Variants in TADA2A observed in about 807,000 individuals in gnomAD.
TADA2A encodes transcriptional adaptor 2A.
In TADA2A, 38 loss-of-function variants were observed where a neutral mutation model predicts 67.4. The observed-to-expected ratio is 0.56, with a 90% CI of 0.44 to 0.74. TADA2A has a LOEUF of 0.74. TADA2A is among the 30% of genes least tolerant of loss of function. TADA2A has a pLI of 0.00. For missense variants in TADA2A, 454 were observed against 547.0 expected, an observed-to-expected ratio of 0.83 and a Z score of 1.70; for synonymous variants, 192 against 181.6, an observed-to-expected ratio of 1.06 and a Z score of -0.46.
chr17:37,451,327 C>CTTT (rs1293045987), intron 8 of TADA2A, among the ~76,000 whole-genome samples: 1 of 135,188 alleles, frequency 7.4e-6, no homozygotes, highest in South Asian at 2.4e-4. Context: ...TGTTTTTTGG[C>CTTT]TTTTTTTTTT....
intron 10 of TADA2A, among the ~76,000 whole-genome samples, chr17:37,462,456 A>G (rs983914124): frequency 1.3e-5 from 2 of 151,716 alleles, no homozygotes; most frequent in South Asian, 2.1e-4. Flanking sequence ...GTGAAACCCC[A>G]TCTCTACTAA....
rs191011910 is a variant in TADA2A, at chr17:37,454,141, C to G, written c.605-4383C>G. The G allele has an allele frequency of 5.7e-3, 864 of 152,328 alleles. 3 individuals are homozygous for G. Among genetic ancestry groups the G allele is most frequent in the Non-Finnish European group, 8.0e-3 (546 of 68,072 alleles). 9.4% of individuals were successfully genotyped at this position (152,328 alleles called of 1,614,324 possible). On this transcript the variant is annotated intron_variant, in intron 8 of 15. Coordinates refer to ENST00000615182, the MANE Select transcript of TADA2A (RefSeq NM_001166105.3). ...AGGTTGGTATGTTATTAGAAATTAC[C>G]TAACATTGAGCCTCTGGAGCTTCTG... is the stretch of plus-strand genomic sequence containing the variant.
chr17:37,470,117 T>C (rs1272256958), intron 12 of TADA2A, among the ~76,000 whole-genome samples: 1 of 152,212 alleles, frequency 6.6e-6, no homozygotes, highest in East Asian at 1.9e-4. Flanking sequence ...AGTGGAAATA[T>C]GAGCAATTCT....
intron 12 of TADA2A, among the ~76,000 whole-genome samples, chr17:37,468,902 CTT>C (rs377616227): frequency 6.9e-6 from 1 of 144,924 alleles, no homozygotes. Flanking sequence ...TAGTTGGCTT[CTT>C]TTTTTTTTTT....
At chr17:37,439,938 A>ATTT (rs71135724) in intron 5 of TADA2A, among the ~76,000 whole-genome samples, 1 of 105,726 alleles carries the variant, frequency 9.5e-6, no homozygotes, top group African/African-American at 4.2e-5. Flanking sequence ...TTATTTATTT[A>ATTT]TTTATTATTT....
intron 4 of TADA2A, among the ~76,000 whole-genome samples, chr17:37,436,042 C>G (rs1198804393): frequency 6.6e-6 from 1 of 152,072 alleles, no homozygotes; most frequent in African/African-American, 2.4e-5. Context: ...CATAACCTCA[C>G]AGATCTTACA....
In TADA2A at chr17:37,477,087, G is replaced by A. The variant is rs896109780; in HGVS notation, c.*105G>A. 4.2e-6 allele frequency: 5 copies of A among 1,187,762 alleles called. No individual in the cohort carries two copies. In the African/African-American group the frequency reaches 4.6e-5, roughly 11 times the overall value. 73.6% of individuals were successfully genotyped at this position (1,187,762 alleles called of 1,614,324 possible). A position where few individuals can be genotyped will look rare whatever the true frequency, so the allele number is the denominator to read the frequency against. On this transcript the variant is annotated 3_prime_UTR_variant, in exon 16 of 16. Coordinates refer to ENST00000615182, the MANE Select transcript of TADA2A (RefSeq NM_001166105.3). ...AGTTGTTTTTCAGCTGAATTCTCAT[G>A]GTGAAAACAGGGGAAAGGACAAAGG...
chr17:37,470,118 G>C (rs1370076070), intron 12 of TADA2A, among the ~76,000 whole-genome samples: 1 of 152,116 alleles, frequency 6.6e-6, no homozygotes, highest in East Asian at 1.9e-4. Context: ...GTGGAAATAT[G>C]AGCAATTCTT....
chr17:37,471,655 G>T (rs58442376), intron 14 of TADA2A, among the ~76,000 whole-genome samples: 1 of 151,910 alleles, frequency 6.6e-6, no homozygotes, highest in Non-Finnish European at 1.5e-5. Flanking sequence ...TTACAGGCAT[G>T]CACCACCACG....
intron 3 of TADA2A, among the ~76,000 whole-genome samples, chr17:37,425,238 A>C (rs1353208465): frequency 6.6e-6 from 1 of 152,296 alleles, no homozygotes; most frequent in East Asian, 1.9e-4. Flanking sequence ...CATAACTGGA[A>C]GATTATTCCT....
chr17:37,432,082 A>G (rs12452080), intron 4 of TADA2A, among the ~76,000 whole-genome samples: 33,666 of 151,692 alleles, frequency 0.22, 3,975 homozygotes, highest in Middle Eastern at 0.35. Flanking sequence ...TTGGTTTTGC[A>G]TATTCTAGAA....
rs540345089 is a variant in TADA2A at position 37,472,168 on chromosome 17, C to T, written c.1072+1031C>T. Among the ~76,000 whole-genome samples the T allele has an allele frequency of 6.6e-5, 10 of 151,980 alleles. No individual in the cohort carries two copies. In the South Asian group the frequency reaches 1.7e-3, roughly 25 times the overall value. ...GCAACCTCTGCCTTCCGGATTCAAG[C>T]GATTCTCCTGCCTCAGCCTCCCAAG... is the stretch of plus-strand genomic sequence containing the variant. On this transcript the variant is annotated intron_variant, in intron 14 of 15. Coordinates refer to ENST00000615182, the MANE Select transcript of TADA2A (RefSeq NM_001166105.3).
chr17:37,454,809 C>CCCT (rs1157896295), intron 8 of TADA2A: 1 of 238,752 alleles, frequency 4.2e-6, no homozygotes, highest in African/African-American at 2.3e-5. Flanking sequence ...GCTAGCAGGG[C>CCCT]TGCTAAGGAA....
In TADA2A at chr17:37,443,009, A is replaced by G. The variant is rs180840804; in HGVS notation, c.531+357A>G. Among the ~76,000 whole-genome samples the G allele has an allele frequency of 2.4e-4, 36 of 152,198 alleles. No individual in the cohort carries two copies. In the East Asian group the frequency reaches 5.0e-3, roughly 21 times the overall value. On this transcript the variant is annotated intron_variant, in intron 7 of 15. Transcript: ENST00000615182. ...GAGACCCTGTCTCTACAAAAAATAA[A>G]AAATTAGCTGGGTGTGGTGGTGCAT...
At chr17:37,419,546 C>T (rs1198438645) in intron 2 of TADA2A, among the ~76,000 whole-genome samples, 2 of 146,410 alleles carry the variant, frequency 1.4e-5, no homozygotes, top group African/African-American at 4.9e-5. Flanking sequence ...TGGGAGGCTA[C>T]GCCAGGTAGA....
intron 12 of TADA2A, among the ~76,000 whole-genome samples, chr17:37,468,081 CA>C (rs5820219): frequency 0.14 from 18,445 of 131,252 alleles, 1,234 homozygotes; most frequent in East Asian, 0.25. Flanking sequence ...GATTCTGTTT[CA>C]AAAAAAAAAA....
At chr17:37,456,440 G>A (rs2053393813) in intron 8 of TADA2A, among the ~76,000 whole-genome samples, 1 of 152,200 alleles carries the variant, frequency 6.6e-6, no homozygotes, top group Admixed American at 6.5e-5. Context: ...ATAGCATGAA[G>A]ATGACAGGAG....
chr17:37,427,542 G>T (rs539423074), intron 4 of TADA2A, among the ~76,000 whole-genome samples: 138 of 152,276 alleles, frequency 9.1e-4, no homozygotes, highest in African/African-American at 3.2e-3. Context: ...ATAAAACTTG[G>T]CTATAGCTTA....
intron 4 of TADA2A, among the ~76,000 whole-genome samples, chr17:37,434,440 G>A (rs1248668304): frequency 1.3e-5 from 2 of 152,140 alleles, no homozygotes; most frequent in Admixed American, 1.3e-4. Flanking sequence ...TCAGCAGCCC[G>A]GAAGCTCCTC....
Sources: allele counts gnomAD v4.1 joint callset (sites outside exome capture counted in the v4.1 genomes callset), GRCh38; gene constraint gnomAD v4.1.1; transcripts MANE v1.5; gene names NCBI Gene and HGNC (gene_info 2026-07-23, HGNC 2026-07-21).